GNL1: variants seen among roughly 807,000 people sequenced by gnomAD.
GNL1 encodes guanine nucleotide-binding protein-like 1.
GNL1 carries 21 observed loss-of-function variants against 75.2 expected under a neutral mutation model. The ratio of observed to expected loss-of-function variants is 0.28; its 90% CI spans 0.20 to 0.40. The LOEUF is 0.40. GNL1 is among the 10% of genes least tolerant of loss of function. The pLI is 1.00. For synonymous variants in GNL1, 287 were observed against 303.4 expected (o/e 0.95, Z 0.56); for missense variants, 579 against 775.0 (o/e 0.75, Z 3.00).
At chr6:30,554,077 G>T in intron 5 of GNL1, among the ~76,000 whole-genome samples, 1 of 152,168 alleles carries the variant, frequency 6.6e-6, no homozygotes, top group African/African-American at 2.4e-5. Flanking sequence ...CAACCTAAAT[G>T]GTCCTCACAG....
At position 30,543,541 on chromosome 6, in the gene GNL1, C is replaced by T. The variant is rs778196129; in HGVS notation, c.*2531G>A. On this transcript the variant is annotated 3_prime_UTR_variant, in exon 12 of 12. Transcript: ENST00000376621. ...TAGTTATGACAGTTCAATAGAAACA[C>T]GTAAAATAATGCTTTTATAGTTTAC... The T allele has an allele frequency of 1.1e-4, 16 of 152,014 alleles. No individual in the cohort carries two copies. The highest frequency in any genetic ancestry group is 2.2e-4 in the African/African-American group (9 of 41,334). 9.4% of individuals were successfully genotyped at this position (152,014 alleles called of 1,614,324 possible).
In GNL1 at chr6:30,552,133, G is replaced by C. The variant is rs981788208; in HGVS notation, c.1099+334C>G. ...CCCACCTCAGCCTCCCAAAGCGCTG[G>C]GACTATATAGGCATGAGCCCTCACA... On this transcript the variant is annotated intron_variant, in intron 8 of 11. Coordinates refer to ENST00000376621, the MANE Select transcript of GNL1 (RefSeq NM_005275.5). The surrounding 1 kb of genome is among the most constrained non-coding windows in gnomAD (Gnocchi z 4.5). The C allele has an allele frequency of 1.4e-5, 4 of 289,726 alleles. No individual in the cohort carries two copies. The highest frequency in any genetic ancestry group is 4.8e-5 in the Admixed American group (1 of 20,868). 17.9% of individuals were successfully genotyped at this position (289,726 alleles called of 1,614,324 possible). A position where few individuals can be genotyped will look rare whatever the true frequency, so the allele number is the denominator to read the frequency against.
Position 30,543,395 on chromosome 6 carries a change from C to T in GNL1, c.*2677G>A, listed in dbSNP as rs918191164. 1 of 152,082 alleles carries T rather than the reference C, an allele frequency of 6.6e-6. No individual in the cohort carries two copies. The highest frequency in any genetic ancestry group is 2.4e-5 in the African/African-American group (1 of 41,372). The allele number at this position is 152,082 out of a possible 1,614,324, so 9.4% of individuals were successfully genotyped here. A position where few individuals can be genotyped will look rare whatever the true frequency, so the allele number is the denominator to read the frequency against. Reference sequence around the variant, plus strand: ...TCCATTCTCCAATAAATTGTGAGCGCCACAAAGAACCATTTCTATCTCACT... The same window carrying T: ...TCCATTCTCCAATAAATTGTGAGCGTCACAAAGAACCATTTCTATCTCACT... On this transcript the variant is annotated 3_prime_UTR_variant, in exon 12 of 12. Transcript: ENST00000376621.
chr6:30,547,015 TGAG>T lies in GNL1; in HGVS notation c.1441+94_1441+96del. 2.4e-6 allele frequency: 3 copies of T among 1,237,014 alleles called. No homozygotes were observed. 76.6% of individuals were successfully genotyped at this position (1,237,014 alleles called of 1,614,324 possible). A position where few individuals can be genotyped will look rare whatever the true frequency, so the allele number is the denominator to read the frequency against. On this transcript the variant is annotated intron_variant, in intron 10 of 11. Coordinates refer to ENST00000376621, the MANE Select transcript of GNL1 (RefSeq NM_005275.5). The surrounding 1 kb of genome is among the most constrained non-coding windows in gnomAD (Gnocchi z 5.5). The stretch of plus-strand genomic sequence containing the variant: ...GCAGCTTCATCAATGGCAGAATCTC[TGAG>T]GAGAGGAAAGGAGACAGGGAAGGGT...
At position 30,552,843 on chromosome 6, in the gene GNL1, G is replaced by T. The variant is rs917077067; in HGVS notation, c.905-182C>A. On this transcript the variant is annotated intron_variant, in intron 7 of 11. Transcript: ENST00000376621. This position sits in a 1 kb window ranked among gnomAD's most constrained non-coding sequence, Gnocchi z 4.5. ...TTGACCCTACCCTCCCTGGAATCAC[G>T]CACGTTTCTCTGAGCTTCTGAAAAG... 2.0e-5 allele frequency among the ~76,000 whole-genome samples: 3 copies of T among 152,122 alleles called. No individual in the cohort carries two copies. Among genetic ancestry groups the T allele is most frequent in the Non-Finnish European group, 2.9e-5 (2 of 68,032 alleles).
Position 30,554,935 on chromosome 6 carries a change from T to C in GNL1, c.377-20A>G. The C allele has an allele frequency of 6.2e-7, 1 of 1,612,498 alleles. No homozygotes were observed. The highest frequency in any genetic ancestry group is 1.1e-5 in the South Asian group (1 of 91,062). Reference sequence around the variant, plus strand: ...CCAGAACTGGGAATTCAGGAAAAAGTCCAAGTGTGAGGAAATCTTCAGGAT... The same window carrying C: ...CCAGAACTGGGAATTCAGGAAAAAGCCCAAGTGTGAGGAAATCTTCAGGAT... On this transcript the variant is annotated intron_variant, in intron 3 of 11. Coordinates refer to ENST00000376621, the MANE Select transcript of GNL1 (RefSeq NM_005275.5).
chr6:30,552,125 A>C lies in GNL1; in HGVS notation c.1099+342T>G. The C allele has an allele frequency of 7.6e-6, 2 of 262,318 alleles. No homozygotes were observed. Among genetic ancestry groups the C allele is most frequent in the Non-Finnish European group, 1.4e-5 (2 of 139,016 alleles). The allele number at this position is 262,318 out of a possible 1,614,324, so 16.2% of individuals were successfully genotyped here. A position where few individuals can be genotyped will look rare whatever the true frequency, so the allele number is the denominator to read the frequency against. On this transcript the variant is annotated intron_variant, in intron 8 of 11. Transcript: ENST00000376621. This position sits in a 1 kb window ranked among gnomAD's most constrained non-coding sequence, Gnocchi z 4.5. ...GCAATCCTCCCACCTCAGCCTCCCA[A>C]AGCGCTGGGACTATATAGGCATGAG...
Position 30,555,591 on chromosome 6 carries a change from G to GAAGGCTGCTGGTT in GNL1, c.190_202dup (p.Ser68Ter). The GAAGGCTGCTGGTT allele has an allele frequency of 6.2e-7, 1 of 1,614,018 alleles. No individual in the cohort carries two copies. On this transcript the variant is annotated stop_gained and frameshift_variant, in exon 2 of 12. Coordinates refer to ENST00000376621, the MANE Select transcript of GNL1 (RefSeq NM_005275.5). LOFTEE classifies it high-confidence loss of function. The surrounding 1 kb of genome is among the most constrained non-coding windows in gnomAD (Gnocchi z 4.3). ...GTAGCCTCGTGGACCCAGCCCCTGA[G>GAAGGCTGCTGGTT]AAGGCTGCTGGTTAAGCCTGCGGAT...
chr6:30,547,056 A>C lies in GNL1; in HGVS notation c.1441+56T>G. 6.8e-7 allele frequency: 1 copy of C among 1,471,994 alleles called. No homozygotes were observed. 91.2% of individuals were successfully genotyped at this position (1,471,994 alleles called of 1,614,324 possible). A position where few individuals can be genotyped will look rare whatever the true frequency, so the allele number is the denominator to read the frequency against. ...GACAGGGAAGGGTAAAAGGCGAGGC[A>C]GGTAAGGAAGAGCAGCTGAAACCAG... is the stretch of plus-strand genomic sequence containing the variant. On this transcript the variant is annotated intron_variant, in intron 10 of 11. Coordinates refer to ENST00000376621, the MANE Select transcript of GNL1 (RefSeq NM_005275.5). The surrounding 1 kb of genome is among the most constrained non-coding windows in gnomAD (Gnocchi z 5.5).
In GNL1 at chr6:30,555,017, T is replaced by C. The variant is rs751293075; in HGVS notation, c.376+38A>G. ...ACAGTCGGCTTTTACCTTTCCAAAC[T>C]CCTTCCCCAGCCCAATGCCTGTCTT... On this transcript the variant is annotated intron_variant, in intron 3 of 11. Coordinates refer to ENST00000376621, the MANE Select transcript of GNL1 (RefSeq NM_005275.5). This position sits in a 1 kb window ranked among gnomAD's most constrained non-coding sequence, Gnocchi z 4.3. 6 of 1,612,436 alleles carry C rather than the reference T, an allele frequency of 3.7e-6. No homozygotes were observed. The highest frequency in any genetic ancestry group is 4.2e-6 in the Non-Finnish European group (5 of 1,179,642).
Position 30,556,014 on chromosome 6 carries a change from G to C in GNL1, c.73+117C>G. The C allele has an allele frequency of 7.9e-7, 1 of 1,265,996 alleles. No homozygotes were observed. Among genetic ancestry groups the C allele is most frequent in the East Asian group, 2.4e-5 (1 of 41,522 alleles). The allele number at this position is 1,265,996 out of a possible 1,614,324, so 78.4% of individuals were successfully genotyped here. ...GGATCCCCTCCGCGATAGGCCGCGA[G>C]GGTTGACGCGGTCCCACGACCCCCT... On this transcript the variant is annotated intron_variant, in intron 1 of 11. Coordinates refer to ENST00000376621, the MANE Select transcript of GNL1 (RefSeq NM_005275.5). The surrounding 1 kb of genome is among the most constrained non-coding windows in gnomAD (Gnocchi z 5.7).
Position 30,543,350 on chromosome 6 carries a change from T to C in GNL1, c.*2722A>G, listed in dbSNP as rs1799275932. ...ACCCTTCTCCCAGAACTTATCACAC[T>C]TTTTTTTTGTAATTGTGTTTCCATT... On this transcript the variant is annotated 3_prime_UTR_variant, in exon 12 of 12. Transcript: ENST00000376621. 6.7e-6 allele frequency: 1 copy of C among 150,016 alleles called. No homozygotes were observed. Among genetic ancestry groups the C allele is most frequent in the Admixed American group, 6.6e-5 (1 of 15,078 alleles). 9.3% of individuals were successfully genotyped at this position (150,016 alleles called of 1,614,324 possible). A position where few individuals can be genotyped will look rare whatever the true frequency, so the allele number is the denominator to read the frequency against.
chr6:30,555,461 C>T lies in GNL1; in HGVS notation c.239+94G>A. ...AGCGGAGAACTGTGGCATCCCAGGCCCACCGTCTTCACCAGTAGCAGCCCG... is the reference window on the plus strand; with the variant it reads ...AGCGGAGAACTGTGGCATCCCAGGCTCACCGTCTTCACCAGTAGCAGCCCG... On this transcript the variant is annotated intron_variant, in intron 2 of 11. Transcript: ENST00000376621. This position sits in a 1 kb window ranked among gnomAD's most constrained non-coding sequence, Gnocchi z 4.3. 7.8e-7 allele frequency: 1 copy of T among 1,279,236 alleles called. No individual in the cohort carries two copies. Among genetic ancestry groups the T allele is most frequent in the Non-Finnish European group, 1.1e-6 (1 of 911,738 alleles). The allele number at this position is 1,279,236 out of a possible 1,614,324, so 79.2% of individuals were successfully genotyped here.
In GNL1 at chr6:30,556,409, C is replaced by G. The variant is rs1800200703; in HGVS notation, c.-206G>C. 3.3e-6 allele frequency: 2 copies of G among 606,928 alleles called. No homozygotes were observed. Among genetic ancestry groups the G allele is most frequent in the Middle Eastern group, 4.3e-4 (1 of 2,310 alleles). The allele number at this position is 606,928 out of a possible 1,614,324, so 37.6% of individuals were successfully genotyped here. On this transcript the variant is annotated 5_prime_UTR_variant, in exon 1 of 12. Transcript: ENST00000376621. This position sits in a 1 kb window ranked among gnomAD's most constrained non-coding sequence, Gnocchi z 5.7. ...AGATATAGTCACTTCCCTCCAGGAG[C>G]GAGGCGAGAGGATGATGCGGGGTGG...
rs1338083902 is a variant in GNL1, at chr6:30,544,482, T to G, written c.*1590A>C. 6.6e-6 allele frequency: 1 copy of G among 152,168 alleles called. No homozygotes were observed. The highest frequency in any genetic ancestry group is 1.5e-5 in the Non-Finnish European group (1 of 68,028). 9.4% of individuals were successfully genotyped at this position (152,168 alleles called of 1,614,324 possible). ...ACATCATGAACCCTCAAAGTAAGCT[T>G]AGCTTGGGCCCCTTTTCCTTTTCTA... On this transcript the variant is annotated 3_prime_UTR_variant, in exon 12 of 12. Coordinates refer to ENST00000376621, the MANE Select transcript of GNL1 (RefSeq NM_005275.5).
intron 8 of GNL1, among the ~76,000 whole-genome samples, chr6:30,550,454 T>C (rs2127373421): frequency 6.6e-6 from 1 of 152,222 alleles, no homozygotes; most frequent in East Asian, 1.9e-4. Context: ...TCATTTTCTC[T>C]ACCTTCAAAA....
chr6:30,546,978 G>A lies in GNL1; in HGVS notation c.1441+134C>T, dbSNP rs1799489479. ...ACTGGCTATGCAACAAAAATCTAGG[G>A]GTGAGTGGACAGCAGCTTCATCAAT... On this transcript the variant is annotated intron_variant, in intron 10 of 11. Coordinates refer to ENST00000376621, the MANE Select transcript of GNL1 (RefSeq NM_005275.5). This position sits in a 1 kb window ranked among gnomAD's most constrained non-coding sequence, Gnocchi z 5.1. 2 of 1,111,840 alleles carry A rather than the reference G, an allele frequency of 1.8e-6. No homozygotes were observed. The highest frequency in any genetic ancestry group is 2.6e-5 in the South Asian group (2 of 75,670). The allele number at this position is 1,111,840 out of a possible 1,614,324, so 68.9% of individuals were successfully genotyped here.
In GNL1 at chr6:30,552,228, C is replaced by T. The variant is rs1370300344; in HGVS notation, c.1099+239G>A. 3 of 483,934 alleles carry T rather than the reference C, an allele frequency of 6.2e-6. No homozygotes were observed. Among genetic ancestry groups the T allele is most frequent in the African/African-American group, 5.7e-5 (3 of 52,288 alleles). 30.0% of individuals were successfully genotyped at this position (483,934 alleles called of 1,614,324 possible). A position where few individuals can be genotyped will look rare whatever the true frequency, so the allele number is the denominator to read the frequency against. On this transcript the variant is annotated intron_variant, in intron 8 of 11. Coordinates refer to ENST00000376621, the MANE Select transcript of GNL1 (RefSeq NM_005275.5). This position sits in a 1 kb window ranked among gnomAD's most constrained non-coding sequence, Gnocchi z 4.5. ...TTTTAAAATCAAAGTAACTAAGACT[C>T]AGAGTAGCAAAATCACTTACTCAAG...
chr6:30,547,611 G>T lies in GNL1; in HGVS notation c.1100-81C>A. 8.6e-7 allele frequency: 1 copy of T among 1,169,078 alleles called. No individual in the cohort carries two copies. Among genetic ancestry groups the T allele is most frequent in the Non-Finnish European group, 1.3e-6 (1 of 799,528 alleles). The allele number at this position is 1,169,078 out of a possible 1,614,324, so 72.4% of individuals were successfully genotyped here. ...TGGTGCTATACCTATAGGTAAAAGG[G>T]GAACTAAGGCTCAGAAATTAAGGAA... On this transcript the variant is annotated intron_variant, in intron 8 of 11. Coordinates refer to ENST00000376621, the MANE Select transcript of GNL1 (RefSeq NM_005275.5). This position sits in a 1 kb window ranked among gnomAD's most constrained non-coding sequence, Gnocchi z 5.5.
Sources: allele counts gnomAD v4.1 joint callset (sites outside exome capture counted in the v4.1 genomes callset), GRCh38; gene constraint gnomAD v4.1.1; non-coding constraint Gnocchi (gnomAD v3.1); transcripts MANE v1.5; gene names NCBI Gene and HGNC (gene_info 2026-07-23, HGNC 2026-07-21).